Variants in AFTPH observed in about 807,000 individuals in gnomAD.
AFTPH encodes the protein aftiphilin protein.
In AFTPH, 7 loss-of-function variants were observed where a neutral mutation model predicts 72.5. The observed-to-expected ratio is 0.10, with a 90% CI of 0.05 to 0.18. The LOEUF is 0.18. AFTPH is among the 10% of genes least tolerant of loss of function. AFTPH has a pLI of 1.00. For missense variants in AFTPH, 979 were observed against 1,060.5 expected (o/e 0.92, Z 1.07); for synonymous variants, 337 against 370.1 (o/e 0.91, Z 1.03).
At chr2:64,548,096 T>C (rs1231107592) in intron 1 of AFTPH, among the ~76,000 whole-genome samples, 1 of 140,184 alleles carries the variant, frequency 7.1e-6, no homozygotes, top group Admixed American at 7.0e-5. Flanking sequence ...CGGCTGCTTT[T>C]AAACTTTAGA....
At chr2:64,547,187 A>G (rs1421570081) in intron 1 of AFTPH, among the ~76,000 whole-genome samples, 1 of 152,210 alleles carries the variant, frequency 6.6e-6, no homozygotes, top group African/African-American at 2.4e-5. Flanking sequence ...CCTTTATAGG[A>G]AGGAGACCAA....
intron 1 of AFTPH, among the ~76,000 whole-genome samples, chr2:64,528,909 T>G (rs1669438845): frequency 6.6e-6 from 1 of 152,162 alleles, no homozygotes; most frequent in Admixed American, 6.5e-5. Context: ...AAAGGATCTG[T>G]CTAGCTGTTA....
intron 1 of AFTPH, among the ~76,000 whole-genome samples, chr2:64,531,318 A>G (rs930905825): frequency 1.3e-5 from 2 of 152,202 alleles, no homozygotes; most frequent in African/African-American, 2.4e-5. Flanking sequence ...CTAAGAGGTT[A>G]TAATAAAATC....
chr2:64,525,572 T>G (rs1669208038), intron 1 of AFTPH: 1 of 154,138 alleles, frequency 6.5e-6, no homozygotes, highest in Admixed American at 6.5e-5. Context: ...GTGTAAGTCT[T>G]CCTTCCACCT....
At chr2:64,526,036 GA>G (rs928813463) in intron 1 of AFTPH, among the ~76,000 whole-genome samples, 1 of 152,006 alleles carries the variant, frequency 6.6e-6, no homozygotes, top group East Asian at 1.9e-4. Context: ...AAAACCTCTG[GA>G]AAAAAATCCA....
At chr2:64,540,798 A>C (rs1023492163) in intron 1 of AFTPH, among the ~76,000 whole-genome samples, 1 of 152,060 alleles carries the variant, frequency 6.6e-6, no homozygotes, top group Non-Finnish European at 1.5e-5. Context: ...TTGTTTGCTC[A>C]TATTTTGTAC....
chr2:64,570,595 C>T (rs940592521), intron 5 of AFTPH, among the ~76,000 whole-genome samples: 4 of 152,110 alleles, frequency 2.6e-5, no homozygotes, highest in Non-Finnish European at 2.9e-5. Context: ...TTGATGATCC[C>T]CACATTGTTT....
chr2:64,575,023 C>CAACAA (rs2104118434), intron 6 of AFTPH, among the ~76,000 whole-genome samples: 1 of 152,238 alleles, frequency 6.6e-6, no homozygotes, highest in South Asian at 2.1e-4. Context: ...TTATTGAGAC[C>CAACAA]ATTTGTTGCT....
intron 5 of AFTPH, among the ~76,000 whole-genome samples, chr2:64,570,915 T>TCCCC (rs3841896): frequency 2.7e-5 from 2 of 74,578 alleles, no homozygotes; most frequent in Non-Finnish European, 2.8e-5. Context: ...TTTCCTCCCC[T>TCCCC]CCCCCCCCCC....
intron 6 of AFTPH, among the ~76,000 whole-genome samples, chr2:64,573,948 C>G (rs532655497): frequency 6.6e-6 from 1 of 152,176 alleles, no homozygotes; most frequent in African/African-American, 2.4e-5. Flanking sequence ...AGCCATCACA[C>G]GCAGCCAGAA....
chr2:64,554,259 C>T (rs1286764739), intron 2 of AFTPH, among the ~76,000 whole-genome samples: 1 of 152,062 alleles, frequency 6.6e-6, no homozygotes, highest in Non-Finnish European at 1.5e-5. Context: ...CTAAAGTAGC[C>T]CCTAGAGGTG....
At chr2:64,563,682 G>A (rs1210531644) in intron 2 of AFTPH, among the ~76,000 whole-genome samples, 5 of 152,060 alleles carry the variant, frequency 3.3e-5, no homozygotes, top group Admixed American at 1.3e-4. Flanking sequence ...ATGGAGTCTT[G>A]CACCTCTGCC....
intron 6 of AFTPH, among the ~76,000 whole-genome samples, chr2:64,576,823 GTCTCAGGTC>G (rs1254152625): frequency 6.6e-6 from 1 of 152,060 alleles, no homozygotes; most frequent in Admixed American, 6.5e-5. Flanking sequence ...CAATGGCGCA[GTCTCAGGTC>G]ACTGCAACCT....
chr2:64,581,379 A>C lies in AFTPH; in HGVS notation c.2455+1833A>C, dbSNP rs999874894. 17 of 857,254 alleles carry C rather than the reference A, an allele frequency of 2.0e-5. No individual in the cohort carries two copies. The African/African-American group carries it at 2.7e-4, about 13-fold the overall frequency. The allele number at this position is 857,254 out of a possible 1,614,324, so 53.1% of individuals were successfully genotyped here. On this transcript the variant is annotated intron_variant, in intron 7 of 8. Transcript: ENST00000238856. ...AAACAAGTAGATTGTATTCTCTATA[A>C]TGTCTTTTTAATACTTTTCTTTCAT...
chr2:64,551,000 TA>T (rs1671011902), intron 1 of AFTPH, among the ~76,000 whole-genome samples: 1 of 152,208 alleles, frequency 6.6e-6, no homozygotes, highest in Non-Finnish European at 1.5e-5. Flanking sequence ...TTATTACTGA[TA>T]AAATTTTGAT....
chr2:64,542,226 C>T (rs1670296552), intron 1 of AFTPH, among the ~76,000 whole-genome samples: 1 of 152,108 alleles, frequency 6.6e-6, no homozygotes, highest in Non-Finnish European at 1.5e-5. Context: ...TAGAGGGCCT[C>T]TTACTTAGAG....
chr2:64,586,469 CT>C (rs1673515785), intron 8 of AFTPH, among the ~76,000 whole-genome samples: 1 of 152,094 alleles, frequency 6.6e-6, no homozygotes, highest in Admixed American at 6.5e-5. Flanking sequence ...TTAAAAAAGC[CT>C]TTTTTATTGT....
chr2:64,543,570 A>AT (rs1263533381), intron 1 of AFTPH, among the ~76,000 whole-genome samples: 10 of 152,104 alleles, frequency 6.6e-5, no homozygotes, highest in Non-Finnish European at 1.3e-4. Flanking sequence ...AGAATCAGAT[A>AT]TTTTTTTTCC....
chr2:64,551,965 A>G, exon 2 of AFTPH: 1 of 1,613,728 alleles, frequency 6.2e-7, no homozygotes, highest in South Asian at 1.1e-5. Flanking sequence ...GTTGTTCATC[A>G]AAACAAGCAG....
Sources: allele counts gnomAD v4.1 joint callset (sites outside exome capture counted in the v4.1 genomes callset), GRCh38; gene constraint gnomAD v4.1.1; transcripts MANE v1.5; gene names NCBI Gene and HGNC (gene_info 2026-07-23, HGNC 2026-07-21).